UTP15: variants seen among roughly 807,000 people sequenced by gnomAD.
UTP15 encodes U3 small nucleolar RNA-associated protein 15 homolog.
UTP15 carries 5 observed loss-of-function variants against 59.1 expected under a neutral mutation model. The ratio of observed to expected loss-of-function variants is 0.08; its 90% confidence interval spans 0.04 to 0.18. UTP15 has a LOEUF of 0.18. UTP15 is among the 10% of genes least tolerant of loss of function. UTP15 has a pLI of 1.00. For missense variants in UTP15, 494 were observed against 616.7 expected (o/e 0.80, Z 2.11); for synonymous variants, 211 against 212.2 (o/e 0.99, Z 0.05).
rs1222928143 is a variant in UTP15, at chr5:73,578,118, C to G, written c.1044+113C>G. 5.4e-6 allele frequency: 6 copies of G among 1,108,806 alleles called. No homozygotes were observed. In the African/African-American group the frequency reaches 8.2e-5, roughly 15 times the overall value. The allele number at this position is 1,108,806 out of a possible 1,614,324, so 68.7% of individuals were successfully genotyped here. On this transcript the variant is annotated intron_variant, in intron 9 of 12. Transcript: ENST00000296792. ...TCACATGGCACTTTATTTTGCTTTT[C>G]TCTACATCAGAATTATTTCTAGATT... is the stretch of plus-strand genomic sequence containing the variant.
At position 73,581,969 on chromosome 5, in the gene UTP15, T is replaced by C. The variant is rs1168491143; in HGVS notation, c.*1875T>C. ...AATAAAGTTTCTATTTAAAAACCTT[T>C]TTAAAAAGTTAACATCATAAATATT... is the stretch of plus-strand genomic sequence containing the variant. On this transcript the variant is annotated 3_prime_UTR_variant, in exon 13 of 13. Transcript: ENST00000296792. 1 of 152,196 alleles carries C rather than the reference T, an allele frequency of 6.6e-6. No individual in the cohort carries two copies. Among genetic ancestry groups the C allele is most frequent in the African/African-American group, 2.4e-5 (1 of 41,458 alleles). 9.4% of individuals were successfully genotyped at this position (152,196 alleles called of 1,614,324 possible). A position where few individuals can be genotyped will look rare whatever the true frequency, so the allele number is the denominator to read the frequency against.
intron 7 of UTP15, among the ~76,000 whole-genome samples, chr5:73,575,303 C>G (rs1748057650): frequency 1.3e-5 from 2 of 152,162 alleles, no homozygotes; most frequent in South Asian, 4.1e-4. Context: ...TAAATTGGCT[C>G]TATTTGTGGT....
Position 73,572,573 on chromosome 5 carries a change from G to A in UTP15, c.758G>A (p.Cys253Tyr). 3 of 1,614,152 alleles carry A rather than the reference G, an allele frequency of 1.9e-6. No individual in the cohort carries two copies. Among genetic ancestry groups the A allele is most frequent in the Non-Finnish European group, 2.5e-6 (3 of 1,180,016 alleles). ...SLKNHHKTVT[C>Y]LCLSSSGQRL... ...AAAAATCATCACAAAACCGTGACATGTTTATGTCTAAGCAGCTCTGGACAG... is the reference window on the plus strand; with the variant it reads ...AAAAATCATCACAAAACCGTGACATATTTATGTCTAAGCAGCTCTGGACAG... Residue 253 changes from cysteine to tyrosine, a missense_variant, in exon 7 of 13, where the codon TGT becomes TAT. Cys to Tyr is a radical substitution (Grantham distance 194). Coordinates refer to ENST00000296792, the MANE Select transcript of UTP15 (RefSeq NM_032175.4).
At position 73,568,464 on chromosome 5, in the gene UTP15, T is replaced by C; in HGVS notation, c.228T>C (p.Phe76=). The C allele has an allele frequency of 6.2e-7, 1 of 1,613,616 alleles. No individual in the cohort carries two copies. The highest frequency in any genetic ancestry group is 8.5e-7 in the Non-Finnish European group (1 of 1,179,794). Residue 76 remains phenylalanine, a synonymous_variant, in exon 4 of 13, where the codon TTT becomes TTC. Transcript: ENST00000296792. The part of the protein sequence containing the change: ...GRYSQEPIKT[F]SRFKDTAYCA... ...ACTCCCAAGAACCTATAAAAACCTT[T>C]TCTCGATTTAAAGACACAGCATACT...
At chr5:73,571,918 T>A (rs819580) in intron 6 of UTP15, among the ~76,000 whole-genome samples, 1 of 152,150 alleles carries the variant, frequency 6.6e-6, no homozygotes, top group South Asian at 2.1e-4. Flanking sequence ...ACTAGCTAAT[T>A]GTGACCTCGG....
chr5:73,568,601 C>A lies in UTP15; in HGVS notation c.365C>A (p.Thr122Lys). 1 of 1,609,292 alleles carries A rather than the reference C, an allele frequency of 6.2e-7. No homozygotes were observed. Among genetic ancestry groups the A allele is most frequent in the Non-Finnish European group, 8.5e-7 (1 of 1,178,480 alleles). Reference sequence around the variant, plus strand: ...CCCCTCAGGCAGTTTGAAGGCCATACAAAGTAAGAGACAGTTGGTTTCTGT... The same window carrying A: ...CCCCTCAGGCAGTTTGAAGGCCATAAAAAGTAAGAGACAGTTGGTTTCTGT... Reference protein sequence around the residue: ...RAPLRQFEGHTKAVHTVDFTA... With the variant: ...RAPLRQFEGHKKAVHTVDFTA... The change falls in exon 4 of 13, where the codon ACA (threonine) becomes AAA (lysine). Residue 122 changes from threonine (T) to lysine (K), a missense_variant. Coordinates refer to ENST00000296792, the MANE Select transcript of UTP15 (RefSeq NM_032175.4).
chr5:73,566,189 G>C, intron 1 of UTP15: 1 of 228,466 alleles, frequency 4.4e-6, no homozygotes, highest in Non-Finnish European at 9.0e-6. Flanking sequence ...TCCCTCAGGT[G>C]AAGTGAACCT....
intron 7 of UTP15, among the ~76,000 whole-genome samples, chr5:73,573,845 A>G (rs1200511153): frequency 2.6e-5 from 4 of 152,050 alleles, no homozygotes; most frequent in Non-Finnish European, 5.9e-5. Flanking sequence ...AAGTGCTGGG[A>G]TTACAGGCAT....
intron 7 of UTP15, 43 bp downstream of exon 7, chr5:73,572,667 C>T (rs770239763): frequency 6.5e-7 from 1 of 1,549,942 alleles, no homozygotes; most frequent in Admixed American, 1.9e-5. Flanking sequence ...TAGTGTACAC[C>T]TGTTTACTGC....
Position 73,567,395 on chromosome 5 carries a change from A to C in UTP15, c.51A>C (p.Glu17Asp). 3 of 1,610,142 alleles carry C rather than the reference A, an allele frequency of 1.9e-6. No homozygotes were observed. The highest frequency in any genetic ancestry group is 2.5e-6 in the Non-Finnish European group (3 of 1,178,006). Residue 17 changes from glutamate to aspartate, a missense_variant, in exon 2 of 13, where the codon GAA becomes GAC. Transcript: ENST00000296792. ...VAIQTYPILG[E>D]KITQDTLYWN... ...TTCAGACATATCCTATACTTGGTGAAAAAATCACCCAAGATACACTGTACT... is the reference window on the plus strand; with the variant it reads ...TTCAGACATATCCTATACTTGGTGACAAAATCACCCAAGATACACTGTACT...
At chr5:73,577,758 TG>T in intron 8 of UTP15, 97 bp from the exon 9 acceptor site, 2 of 1,038,586 alleles carry the variant, frequency 1.9e-6, no homozygotes, top group South Asian at 3.3e-5. Flanking sequence ...GGTGAATGTA[TG>T]GACAAGCAGC....
chr5:73,577,226 T>C (rs1748129645), intron 8 of UTP15, among the ~76,000 whole-genome samples, 190 bp downstream of exon 8: 1 of 152,212 alleles, frequency 6.6e-6, no homozygotes, highest in Non-Finnish European at 1.5e-5. Context: ...TAGGTCCCAC[T>C]CACTGTAGAA....
At chr5:73,575,762 G>T (rs1342801127) in intron 7 of UTP15, among the ~76,000 whole-genome samples, 1 of 149,834 alleles carries the variant, frequency 6.7e-6, no homozygotes, top group African/African-American at 2.5e-5. Context: ...CACTCTTGTT[G>T]CCCAGGCTGG....
chr5:73,573,771 G>A (rs188079440), intron 7 of UTP15, among the ~76,000 whole-genome samples: 32 of 151,174 alleles, frequency 2.1e-4, no homozygotes, highest in Admixed American at 1.6e-3. Flanking sequence ...ACAGAGTTTC[G>A]CCGTGATGGC....
chr5:73,577,011 C>T lies in UTP15; in HGVS notation c.869C>T (p.Ala290Val). Residue 290 changes from alanine to valine, a missense_variant, in exon 8 of 13, where the codon GCT becomes GTT. Transcript: ENST00000296792. Reference protein sequence around the residue: ...YKVVHSFDYAASILSLALAHE... With the variant: ...YKVVHSFDYAVSILSLALAHE... ...GTAGTCCACAGTTTTGATTATGCAG[C>T]TTCAATTTTGAGTCTTGCCCTTGCA... 1 of 1,611,314 alleles carries T rather than the reference C, an allele frequency of 6.2e-7. No homozygotes were observed. Among genetic ancestry groups the T allele is most frequent in the Non-Finnish European group, 8.5e-7 (1 of 1,179,186 alleles).
At chr5:73,578,630 C>A in intron 9 of UTP15, 121 bp from the exon 10 acceptor site, 2 of 774,790 alleles carry the variant, frequency 2.6e-6, no homozygotes, top group South Asian at 1.9e-5. Flanking sequence ...ACATTATGGG[C>A]ATATGAACAT....
At chr5:73,570,248 T>C (rs1446007073) in intron 5 of UTP15, among the ~76,000 whole-genome samples, 2 of 152,322 alleles carry the variant, frequency 1.3e-5, no homozygotes, top group African/African-American at 4.8e-5. Flanking sequence ...AACTGTAATG[T>C]ATAGTACCCT....
intron 9 of UTP15, chr5:73,578,501 A>C (rs541678584): frequency 1.2e-5 from 5 of 414,586 alleles, no homozygotes; most frequent in Non-Finnish European, 2.2e-5. Context: ...GAATTAAGGC[A>C]ATGGTGCATG....
intron 7 of UTP15, among the ~76,000 whole-genome samples, chr5:73,574,333 A>G (rs1287853119): frequency 6.6e-6 from 1 of 152,004 alleles, no homozygotes; most frequent in Non-Finnish European, 1.5e-5. Context: ...AAAAAAAAAG[A>G]TAATATTTTA....
Sources: allele counts gnomAD v4.1 joint callset (sites outside exome capture counted in the v4.1 genomes callset), GRCh38; gene constraint gnomAD v4.1.1; transcripts MANE v1.5; gene names NCBI Gene and HGNC (gene_info 2026-07-23, HGNC 2026-07-21).